The following P2RX5 variants were observed in gnomAD, a reference collection of about 807,000 sequenced individuals.
P2RX5 encodes purinergic receptor P2X 5.
P2RX5 carries 46 observed loss-of-function variants against 54.1 expected under a neutral mutation model. The ratio of observed to expected loss-of-function variants is 0.85; its 90% CI spans 0.67 to 1.09. The LOEUF (loss-of-function observed/expected upper bound fraction) is 1.09, where lower values mean the gene tolerates loss of function less well. P2RX5 is among the 50% of genes least tolerant of loss of function. The pLI, the probability that P2RX5 is intolerant of heterozygous loss-of-function variation, is 0.00. For missense variants in P2RX5, 566 were observed against 549.8 expected, an observed-to-expected ratio of 1.03 and a Z score of -0.29; for synonymous variants, 226 against 226.4, an observed-to-expected ratio of 1.00 and a Z score of 0.02.
chr17:3,689,649 C>T lies in P2RX5; in HGVS notation c.615-19G>A, dbSNP rs145048594. The T allele has an allele frequency of 9.1e-4, 1,465 of 1,614,000 alleles. 9 individuals are homozygous for T. The African/African-American group carries it at 0.013, about 15-fold the overall frequency. ...ATTGCTTCTGGGTGGAGGCCATGGG[C>T]AGCCGAGAAATGAAGTAAGACTTGA... On this transcript the variant is annotated intron_variant, in intron 6 of 11. Transcript: ENST00000225328.
the P2RX5 span, chr17:3,718,105 T>G: frequency 9.8e-5 from 15 of 152,420 alleles, no homozygotes; most frequent in East Asian, 2.9e-3. Flanking sequence ...CAAACACGGA[T>G]GCTGGCCTGC....
At chr17:3,711,414 G>T in the P2RX5 span, among the ~76,000 whole-genome samples, 1 of 91,578 alleles carries the variant, frequency 1.1e-5, no homozygotes, top group Non-Finnish European at 2.1e-5. Context: ...ACGGAGTCTC[G>T]CTCTGTCACC....
At chr17:3,685,657 T>TCCCCCCCCCCCCCCCCCCCCCCTCCCG (rs543421315) in intron 9 of P2RX5, 1 of 75,844 alleles carries the variant, frequency 1.3e-5, no homozygotes, top group Non-Finnish European at 2.9e-5. Flanking sequence ...AGCGTCCCCC[T>TCCCCCCCCCCCCCCCCCCCCCCTCCCG]CCCAGCCTGA....
At chr17:3,675,379 A>C in intron 11 of P2RX5, 1 of 985,124 alleles carries the variant, frequency 1.0e-6, no homozygotes, top group East Asian at 1.1e-4. Context: ...AAATAGTATG[A>C]CTATCCTCAG....
chr17:3,691,108 G>A, intron 2 of P2RX5, 81 bp from the exon 3 acceptor site: 1 of 1,070,402 alleles, frequency 9.3e-7, no homozygotes. Context: ...CCTGAAAGAG[G>A]GCGGTCCCTC....
the P2RX5 span, among the ~76,000 whole-genome samples, chr17:3,703,319 A>G: frequency 1.3e-5 from 2 of 152,122 alleles, no homozygotes; most frequent in Non-Finnish European, 2.9e-5. Flanking sequence ...AGCGTGGACA[A>G]CGAAGTGAGA....
chr17:3,714,002 A>T, the P2RX5 span, among the ~76,000 whole-genome samples: 2 of 151,932 alleles, frequency 1.3e-5, no homozygotes, highest in Non-Finnish European at 2.9e-5. Flanking sequence ...ATCTTGGCTC[A>T]CTGCAAGCTC....
At chr17:3,678,248 A>G (rs1240496365) in intron 11 of P2RX5, 1 of 221,554 alleles carries the variant, frequency 4.5e-6, no homozygotes, top group Non-Finnish European at 7.6e-6. Context: ...AGGCAGGCAG[A>G]GCATTCAGAG....
At position 3,673,553 on chromosome 17, in the gene P2RX5, C is replaced by G; in HGVS notation, c.*315G>C. 6.7e-6 allele frequency: 9 copies of G among 1,334,510 alleles called. No individual in the cohort carries two copies. Among genetic ancestry groups the G allele is most frequent in the Non-Finnish European group, 8.7e-6 (9 of 1,036,890 alleles). The allele number at this position is 1,334,510 out of a possible 1,614,324, so 82.7% of individuals were successfully genotyped here. On this transcript the variant is annotated 3_prime_UTR_variant, in exon 12 of 12. Coordinates refer to ENST00000225328, the MANE Select transcript of P2RX5 (RefSeq NM_002561.4). Reference sequence around the variant, plus strand: ...CACTGCGGTCCTTAGCTGAGGTGCTCAAGGACTCCGGAAGGAAGTCATGTT... The same window carrying G: ...CACTGCGGTCCTTAGCTGAGGTGCTGAAGGACTCCGGAAGGAAGTCATGTT...
the P2RX5 span, among the ~76,000 whole-genome samples, chr17:3,705,123 C>T: frequency 1.3e-5 from 2 of 152,170 alleles, no homozygotes; most frequent in Non-Finnish European, 2.9e-5. Context: ...CAGTTCCCGG[C>T]GCTGGCTTCC....
chr17:3,685,657 T>TCTCCCCTGCTCCCG lies in P2RX5; in HGVS notation c.981+2354_981+2355insCGGGAGCAGGGGAG. ...CCCAGGGACCCTCCCAGCGTCCCCC[T>TCTCCCCTGCTCCCG]CCCAGCCTGAGAACAGGAGAACGCA... On this transcript the variant is annotated intron_variant, in intron 9 of 11. Coordinates refer to ENST00000225328, the MANE Select transcript of P2RX5 (RefSeq NM_002561.4). The TCTCCCCTGCTCCCG allele has an allele frequency of 2.6e-5, 2 of 75,844 alleles. 1 individual carries two copies. 4.7% of individuals were successfully genotyped at this position (75,844 alleles called of 1,614,324 possible). A position where few individuals can be genotyped will look rare whatever the true frequency, so the allele number is the denominator to read the frequency against.
the P2RX5 span, among the ~76,000 whole-genome samples, chr17:3,708,053 G>A: frequency 3.1e-4 from 21 of 68,228 alleles, no homozygotes; most frequent in African/African-American, 1.3e-4. Flanking sequence ...GTGAGACTCC[G>A]TCTCAAAAAA....
At chr17:3,707,634 G>A in the P2RX5 span, among the ~76,000 whole-genome samples, 5 of 152,172 alleles carry the variant, frequency 3.3e-5, no homozygotes, top group South Asian at 8.3e-4. Context: ...GCAGTTCTGG[G>A]AAGGACTAGT....
At chr17:3,722,141 T>G in the P2RX5 span, among the ~76,000 whole-genome samples, 1 of 148,450 alleles carries the variant, frequency 6.7e-6, no homozygotes, top group Non-Finnish European at 1.5e-5. Context: ...ATCGTGCCAT[T>G]GCACAACAAG....
chr17:3,710,577 C>T, the P2RX5 span, among the ~76,000 whole-genome samples: 1 of 151,534 alleles, frequency 6.6e-6, no homozygotes, highest in Non-Finnish European at 1.5e-5. Flanking sequence ...ACCAAAAACC[C>T]CTCCTTGTAA....
At chr17:3,723,557 A>C in the P2RX5 span, 1 of 1,091,798 alleles carries the variant, frequency 9.2e-7, no homozygotes, top group Non-Finnish European at 1.3e-6. Flanking sequence ...CCCAGGGACG[A>C]AGCTAGGGAG....
At chr17:3,706,342 A>C in the P2RX5 span, among the ~76,000 whole-genome samples, 1 of 151,930 alleles carries the variant, frequency 6.6e-6, no homozygotes, top group Admixed American at 6.6e-5. Flanking sequence ...TGATCTGCCC[A>C]CCTTGCGCTC....
At chr17:3,690,040 C>T (rs771829327) in intron 6 of P2RX5, 30 bp downstream of exon 6, 1 of 1,599,306 alleles carries the variant, frequency 6.3e-7, no homozygotes, top group Non-Finnish European at 8.6e-7. Flanking sequence ...CAAGGCCCAC[C>T]CGTGGCCCCC....
At chr17:3,704,804 C>T in the P2RX5 span, among the ~76,000 whole-genome samples, 2 of 152,136 alleles carry the variant, frequency 1.3e-5, no homozygotes, top group African/African-American at 2.4e-5. Flanking sequence ...GTCAGGAGTT[C>T]GAGACCAGCC....
Sources: gnomAD v4.1 joint callset for allele counts (sites outside exome capture counted in the v4.1 genomes callset) on GRCh38, gnomAD v4.1.1 for gene constraint, MANE v1.5 for transcripts, NCBI Gene and HGNC (gene_info 2026-07-23, HGNC 2026-07-21) for gene names.